The following COL4A4 variants were observed in gnomAD, a reference collection of about 807,000 sequenced individuals.
COL4A4 encodes collagen type IV alpha 4 chain, also known as collagen alpha-4(IV) chain.
COL4A4 carries 105 observed loss-of-function variants against 192.9 expected under a neutral mutation model. The ratio of observed to expected loss-of-function variants is 0.54; its 90% confidence interval spans 0.46 to 0.64. The LOEUF is 0.64. Among genes scored for constraint, COL4A4 ranks in the 30% least tolerant of loss-of-function variants. COL4A4 has a pLI of 0.00. For synonymous variants in COL4A4, 762 were observed against 769.9 expected (o/e 0.99, Z 0.17); for missense variants, 1,967 against 2,169.3 (o/e 0.91, Z 1.85).
chr2:227,060,356 A>G, intron 26 of COL4A4, 113 bp from the exon 27 acceptor site: 3 of 749,530 alleles, frequency 4.0e-6, no homozygotes, highest in Non-Finnish European at 6.7e-6. Flanking sequence ...TTTCTACTTT[A>G]TGGAAGTAAG....
chr2:227,133,740 A>C (rs2062630459), intron 4 of COL4A4, among the ~76,000 whole-genome samples: 1 of 152,048 alleles, frequency 6.6e-6, no homozygotes, highest in East Asian at 1.9e-4. Context: ...AAAAATACAA[A>C]CATTAGCCAA....
chr2:227,064,893 C>T (rs578091890), intron 25 of COL4A4, among the ~76,000 whole-genome samples: 1 of 152,300 alleles, frequency 6.6e-6, no homozygotes, highest in African/African-American at 2.4e-5. Context: ...GGGAAGATGG[C>T]CGAATAGGAA....
chr2:227,126,358 G>C (rs994913947), intron 4 of COL4A4, among the ~76,000 whole-genome samples: 3 of 152,180 alleles, frequency 2.0e-5, no homozygotes, highest in Non-Finnish European at 4.4e-5. Flanking sequence ...GTCATTCCTA[G>C]AACGTTGGTT....
intron 27 of COL4A4, 21 bp downstream of exon 27, chr2:227,060,115 A>AAAAAG (rs1976563601): frequency 2.3e-6 from 3 of 1,305,998 alleles, no homozygotes; most frequent in South Asian, 1.3e-5. Flanking sequence ...AAAAAAAAAA[A>AAAAAG]AAAAAAAAAA....
intron 34 of COL4A4, among the ~76,000 whole-genome samples, 182 bp from the exon 35 acceptor site, chr2:227,047,731 C>CCACACACACACACACA (rs71036155): frequency 0.049 from 7,146 of 146,194 alleles, 209 homozygotes; most frequent in Admixed American, 0.067. Flanking sequence ...AATTTACATA[C>CCACACACACACACACA]CACACACACA....
Position 227,104,020 on chromosome 2 carries a change from G to C in COL4A4, c.768C>G (p.Pro256=). The C allele has an allele frequency of 6.2e-7, 1 of 1,613,306 alleles. No individual in the cohort carries two copies. The highest frequency in any genetic ancestry group is 8.5e-7 in the Non-Finnish European group (1 of 1,179,900). ...GEVGQQGSPG[P]TLLVEPPDFC... is the part of the protein sequence containing the mutation. Reference sequence around the variant, plus strand: ...AGTCAGGTGGCTCTACCAACAGGGTGGGTCCAGGAGAACCTTGCTGACCAA... The same window carrying C: ...AGTCAGGTGGCTCTACCAACAGGGTCGGTCCAGGAGAACCTTGCTGACCAA... The change falls in exon 13 of 48, where the codon CCC becomes CCG. Residue 256 remains proline (P), a synonymous_variant. Transcript: ENST00000396625.
chr2:227,024,219 G>C (rs1966582227), intron 43 of COL4A4, among the ~76,000 whole-genome samples: 1 of 152,038 alleles, frequency 6.6e-6, no homozygotes. Context: ...TATTTTAAAA[G>C]GTATCATCTG....
intron 3 of COL4A4, among the ~76,000 whole-genome samples, chr2:227,140,845 A>G (rs1471310319): frequency 6.6e-6 from 1 of 150,508 alleles, no homozygotes; most frequent in East Asian, 2.0e-4. Context: ...CCCCACTTTT[A>G]GCAAACTTTC....
chr2:227,052,496 C>T (rs1035790820), intron 31 of COL4A4, 84 bp from the exon 32 acceptor site: 12 of 823,390 alleles, frequency 1.5e-5, no homozygotes, highest in Non-Finnish European at 1.9e-5. Context: ...ACTCCCAAAT[C>T]GCAAATTCCC....
At chr2:227,090,848 C>T (rs565134063) in intron 20 of COL4A4, among the ~76,000 whole-genome samples, 1 of 147,908 alleles carries the variant, frequency 6.8e-6, no homozygotes, top group Admixed American at 6.7e-5. Context: ...CCAGCAACAA[C>T]CAAGTAAAAG....
chr2:227,071,486 G>C (rs1000038316), intron 25 of COL4A4, among the ~76,000 whole-genome samples: 1 of 152,100 alleles, frequency 6.6e-6, no homozygotes, highest in Non-Finnish European at 1.5e-5. Flanking sequence ...GCACTAGACA[G>C]ATCTTCATGA....
the COL4A4 span, among the ~76,000 whole-genome samples, chr2:226,980,873 A>G: frequency 6.6e-6 from 1 of 152,212 alleles, no homozygotes; most frequent in East Asian, 1.9e-4. Context: ...GAATTTATAA[A>G]TAATTAATGT....
Position 227,080,557 on chromosome 2 carries a change from T to A in COL4A4, c.1697-8A>T. The A allele has an allele frequency of 6.2e-7, 1 of 1,610,904 alleles. No homozygotes were observed. On this transcript the variant is annotated splice_polypyrimidine_tract_variant and splice_region_variant and intron_variant, in intron 23 of 47. Coordinates refer to ENST00000396625, the MANE Select transcript of COL4A4 (RefSeq NM_000092.5). ...CTCTTTCTCCTTTGTGCCCTGGAAA[T>A]AGAGGTCAAAAGATATTCAAGCTCT...
intron 25 of COL4A4, among the ~76,000 whole-genome samples, chr2:227,071,242 G>A (rs1398111644): frequency 6.6e-6 from 1 of 152,084 alleles, no homozygotes; most frequent in South Asian, 2.1e-4. Flanking sequence ...AGGCAGCAGG[G>A]ATAGCTATTC....
chr2:227,032,112 GT>G, intron 39 of COL4A4, 35 bp downstream of exon 39: 1 of 1,614,164 alleles, frequency 6.2e-7, no homozygotes, highest in African/African-American at 1.3e-5. Context: ...TTTTGGTTTA[GT>G]TATTGAAAGA....
chr2:226,996,634 A>G, the COL4A4 span: 1 of 152,244 alleles, frequency 6.6e-6, no homozygotes, highest in Non-Finnish European at 1.5e-5. Flanking sequence ...GATTATGCAC[A>G]TAATAGATAT....
intron 4 of COL4A4, among the ~76,000 whole-genome samples, chr2:227,126,414 A>G (rs967290575): frequency 2.6e-5 from 4 of 152,238 alleles, no homozygotes; most frequent in African/African-American, 9.6e-5. Flanking sequence ...CAAACTGTGC[A>G]GAGTACAACT....
At chr2:226,984,183 A>T in the COL4A4 span, among the ~76,000 whole-genome samples, 1 of 152,250 alleles carries the variant, frequency 6.6e-6, no homozygotes, top group Non-Finnish European at 1.5e-5. Context: ...GCACCTGCTG[A>T]ACTACCAGTT....
At chr2:227,061,033 T>A (rs1015748843) in intron 26 of COL4A4, among the ~76,000 whole-genome samples, 1 of 152,188 alleles carries the variant, frequency 6.6e-6, no homozygotes, top group African/African-American at 2.4e-5. Flanking sequence ...GCCTAGAGAA[T>A]CTATTTTAAA....
Sources: gnomAD v4.1 joint callset for allele counts (sites outside exome capture counted in the v4.1 genomes callset) on GRCh38, gnomAD v4.1.1 for gene constraint, MANE v1.5 for transcripts, NCBI Gene and HGNC (gene_info 2026-07-23, HGNC 2026-07-21) for gene names.